The following FLG2 variants were observed in gnomAD, a reference collection of about 807,000 sequenced individuals.
The protein encoded by FLG2 is filaggrin 2.
In FLG2, 7 loss-of-function variants were observed where a neutral mutation model predicts 3.9. That is an observed-to-expected ratio of 1.79 (90% CI 1.02 to 3.36). The LOEUF (loss-of-function observed/expected upper bound fraction) is 3.36, where lower values mean the gene tolerates loss of function less well. FLG2 is among the 30% of genes most tolerant of loss of function. The pLI is 0.00. For synonymous variants in FLG2, 1,031 were observed against 1,056.1 expected, an observed-to-expected ratio of 0.98 and a Z score of 0.46; for missense variants, 2,700 against 2,809.4, an observed-to-expected ratio of 0.96 and a Z score of 0.88.
Position 152,351,976 on chromosome 1 carries a change from T to C in FLG2, c.5810A>G (p.His1937Arg). The change falls in exon 3 of 3, where the codon CAT (histidine) becomes CGT (arginine). Residue 1937 changes from histidine (H) to arginine (R), a missense_variant. Physicochemically the swap from His to Arg is conservative, Grantham distance 29. Transcript: ENST00000388718. Reference protein sequence around the residue: ...GDTTEHGHPSHGQTIQTGSRT... With the variant: ...GDTTEHGHPSRGQTIQTGSRT... ...GGACCCTGTCTGTATGGTTTGTCCA[T>C]GACTAGGGTGGCCATGTTCAGTGGT... 6.2e-7 allele frequency: 1 copy of C among 1,613,754 alleles called. No individual in the cohort carries two copies. Among genetic ancestry groups the C allele is most frequent in the Non-Finnish European group, 8.5e-7 (1 of 1,179,892 alleles).
chr1:152,355,228 C>T lies in FLG2; in HGVS notation c.2558G>A (p.Ser853Asn). Reference sequence around the variant, plus strand: ...ATGTTGACCATAGCCAGATGATTGACTTGAGCCAGAACCATGTTGGCCATA... The same window carrying T: ...ATGTTGACCATAGCCAGATGATTGATTTGAGCCAGAACCATGTTGGCCATA... The part of the protein sequence containing the change: ...SSYGQHGSGS[S>N]QSSGYGQHGS... The change falls in exon 3 of 3, where the codon AGT (serine) becomes AAT (asparagine). Residue 853 changes from serine (S) to asparagine (N), a missense_variant. Transcript: ENST00000388718. 6.2e-7 allele frequency: 1 copy of T among 1,612,066 alleles called. No individual in the cohort carries two copies. Among genetic ancestry groups the T allele is most frequent in the Non-Finnish European group, 8.5e-7 (1 of 1,179,430 alleles).
rs1654070333 is a variant in FLG2 at position 152,353,721 on chromosome 1, C to T, written c.4065G>A (p.Val1355=). The T allele has an allele frequency of 3.7e-6, 6 of 1,614,174 alleles. No homozygotes were observed. The highest frequency in any genetic ancestry group is 5.1e-6 in the Non-Finnish European group (6 of 1,180,028). Residue 1355 remains valine (V), a synonymous_variant, in exon 3 of 3, where the codon GTG becomes GTA. Coordinates refer to ENST00000388718, the MANE Select transcript of FLG2 (RefSeq NM_001014342.3). ...FSHSDATDSE[V]HSGVSHRPHS... ...GTGGTCTATGTGAGACCCCTGAGTG[C>T]ACTTCACTGTCAGTGGCATCACTGT...
rs529207810 is a variant in FLG2 at position 152,356,413 on chromosome 1, G to C, written c.1373C>G (p.Ser458Cys). The C allele has an allele frequency of 6.8e-6, 11 of 1,614,124 alleles. No homozygotes were observed. Among genetic ancestry groups the C allele is most frequent in the East Asian group, 2.2e-5 (1 of 44,876 alleles). The change falls in exon 3 of 3, where the codon TCT becomes TGT. Residue 458 changes from serine to cysteine, a missense_variant. Coordinates refer to ENST00000388718, the MANE Select transcript of FLG2 (RefSeq NM_001014342.3). Reference sequence around the variant, plus strand: ...ATAGCCCAAGGATTGACTTGATGTAGACTCATGCTGGCCACAAGTTTGACC... The same window carrying C: ...ATAGCCCAAGGATTGACTTGATGTACACTCATGCTGGCCACAAGTTTGACC... ...GSGQTCGQHE[S>C]TSSQSLGYDQ...
Position 152,354,318 on chromosome 1 carries a change from A to C in FLG2, c.3468T>G (p.His1156Gln), listed in dbSNP as rs1489361494. Residue 1156 changes from histidine to glutamine, a missense_variant, in exon 3 of 3, where the codon CAT becomes CAG. His to Gln is a conservative substitution (Grantham distance 24, BLOSUM62 0). Transcript: ENST00000388718. ...YRSGQSSYGQ[H>Q]GTGSSQSSGC... is the part of the protein sequence containing the mutation. Reference sequence around the variant, plus strand: ...CAGATGATTGACTGGAGCCAGTACCATGTTGGCCATAGCTAGACTGACCTG... The same window carrying C: ...CAGATGATTGACTGGAGCCAGTACCCTGTTGGCCATAGCTAGACTGACCTG... 6.2e-7 allele frequency: 1 copy of C among 1,614,106 alleles called. No homozygotes were observed. Among genetic ancestry groups the C allele is most frequent in the Non-Finnish European group, 8.5e-7 (1 of 1,180,032 alleles).
Position 152,355,320 on chromosome 1 carries a change from T to G in FLG2, c.2466A>C (p.Gln822His). The G allele has an allele frequency of 1.2e-6, 2 of 1,613,870 alleles. No homozygotes were observed. Among genetic ancestry groups the G allele is most frequent in the Non-Finnish European group, 1.7e-6 (2 of 1,179,866 alleles). ...SGSGQSAGFG[Q>H]HGSGSGQSSG... ...AGGATTGTCCTGAGCCAGACCCATG[T>G]TGTCCAAAGCCAGCGGACTGACCTG... is the stretch of plus-strand genomic sequence containing the variant. Residue 822 changes from glutamine (Q) to histidine (H), a missense_variant, in exon 3 of 3, where the codon CAA becomes CAC. Physicochemically the swap from Gln to His is conservative, Grantham distance 24. Coordinates refer to ENST00000388718, the MANE Select transcript of FLG2 (RefSeq NM_001014342.3).
chr1:152,359,664 A>G (rs1174734100), intron 1 of FLG2, among the ~76,000 whole-genome samples: 1 of 152,204 alleles, frequency 6.6e-6, no homozygotes, highest in Non-Finnish European at 1.5e-5. Flanking sequence ...ACAGCCCAGA[A>G]AAGAGGGCAT....
rs1389775961 is a variant in FLG2 at position 152,349,117 on chromosome 1, G to C, written c.*1493C>G. ...ATAGTTCTGAATATAGCCCCAAATG[G>C]TGTTTATCTTTTTCTTCCATTCACT... On this transcript the variant is annotated 3_prime_UTR_variant, in exon 3 of 3. Transcript: ENST00000388718. 1.3e-5 allele frequency: 2 copies of C among 151,718 alleles called. No homozygotes were observed. Among genetic ancestry groups the C allele is most frequent in the Admixed American group, 1.3e-4 (2 of 15,206 alleles). The allele number at this position is 151,718 out of a possible 1,614,324, so 9.4% of individuals were successfully genotyped here. A position where few individuals can be genotyped will look rare whatever the true frequency, so the allele number is the denominator to read the frequency against.
rs763092249 is a variant in FLG2, at chr1:152,355,072, C to A, written c.2714G>T (p.Gly905Val). 2.6e-6 allele frequency: 4 copies of A among 1,550,924 alleles called. 1 individual carries two copies. Among genetic ancestry groups the A allele is most frequent in the African/African-American group, 1.4e-5 (1 of 73,842 alleles). ...SGFGQHGTGS[G>V]QYSGFGQHES... ...ATGTTGTCCAAAACCAGAGTATTGT[C>A]CTGAGCCAGTCCCATGTTGTCCAAA... The change falls in exon 3 of 3, where the codon GGA (glycine) becomes GTA (valine). Residue 905 changes from glycine (G) to valine (V), a missense_variant. Gly to Val is a moderately radical substitution (Grantham distance 109). Coordinates refer to ENST00000388718, the MANE Select transcript of FLG2 (RefSeq NM_001014342.3).
In FLG2 at chr1:152,352,623, A is replaced by T; in HGVS notation, c.5163T>A (p.Thr1721=). 6.2e-7 allele frequency: 1 copy of T among 1,613,750 alleles called. No homozygotes were observed. The change falls in exon 3 of 3, where the codon ACT becomes ACA. Residue 1721 remains threonine, a synonymous_variant. Transcript: ENST00000388718. ...CACTGTGGCCAGATCCCCTTCTTCC[A>T]GTAGTCCTGGACCCTGTCTGTGTGG... ...GLTTQTGSRT[T]GRRGSGHSEY...
Position 152,355,192 on chromosome 1 carries a change from G to A in FLG2, c.2594C>T (p.Ser865Leu), listed in dbSNP as rs371756979. Residue 865 changes from serine (S) to leucine (L), a missense_variant, in exon 3 of 3, where the codon TCG (serine) becomes TTG (leucine). Physicochemically the swap from Ser to Leu is moderately radical, Grantham distance 145. Transcript: ENST00000388718. ...TTGTCCAAAGCCAGATGTCTGTCCCGAACTTGACCCATGTTGACCATAGCC... is the reference window on the plus strand; with the variant it reads ...TTGTCCAAAGCCAGATGTCTGTCCCAAACTTGACCCATGTTGACCATAGCC... The part of the protein sequence containing the change: ...SSGYGQHGSS[S>L]GQTSGFGQHR... The A allele has an allele frequency of 6.1e-5, 98 of 1,599,732 alleles. 12 individuals carry two copies. The highest frequency in any genetic ancestry group is 4.6e-4 in the South Asian group (41 of 89,396).
rs1653869132 is a variant in FLG2 at position 152,350,631 on chromosome 1, G to C, written c.7155C>G (p.Asn2385Lys). 1.2e-6 allele frequency: 2 copies of C among 1,613,736 alleles called. No homozygotes were observed. Among genetic ancestry groups the C allele is most frequent in the African/African-American group, 2.7e-5 (2 of 74,916 alleles). The change falls in exon 3 of 3, where the codon AAC becomes AAG. Residue 2385 changes from asparagine to lysine, a missense_variant. Physicochemically the swap from Asn to Lys is moderately conservative, Grantham distance 94. Coordinates refer to ENST00000388718, the MANE Select transcript of FLG2 (RefSeq NM_001014342.3). ...HLSWSTDSTA[N>K]KQLSRH Reference sequence around the variant, plus strand: ...ACTGTCAATGTCTAGACAGTTGCTTGTTTGCAGTGCTGTCTGTTGACCATG... The same window carrying C: ...ACTGTCAATGTCTAGACAGTTGCTTCTTTGCAGTGCTGTCTGTTGACCATG...
chr1:152,356,951 C>T lies in FLG2; in HGVS notation c.835G>A (p.Ala279Thr), dbSNP rs1198791803. Reference protein sequence around the residue: ...GSGDSGRRSHACGYSNSSGCG... With the variant: ...GSGDSGRRSHTCGYSNSSGCG... ...CCACTTGAATTGCTATAACCACATGCATGACTTCGCCTCCCACTGTCTCCT... is the reference window on the plus strand; with the variant it reads ...CCACTTGAATTGCTATAACCACATGTATGACTTCGCCTCCCACTGTCTCCT... The change falls in exon 3 of 3, where the codon GCA becomes ACA. Residue 279 changes from alanine (A) to threonine (T), a missense_variant. Transcript: ENST00000388718. 3 of 1,614,110 alleles carry T rather than the reference C, an allele frequency of 1.9e-6. No homozygotes were observed. Among genetic ancestry groups the T allele is most frequent in the African/African-American group, 2.7e-5 (2 of 74,952 alleles).
chr1:152,350,838 T>G lies in FLG2; in HGVS notation c.6948A>C (p.Thr2316=). The G allele has an allele frequency of 6.2e-7, 1 of 1,614,204 alleles. No individual in the cohort carries two copies. The highest frequency in any genetic ancestry group is 8.5e-7 in the Non-Finnish European group (1 of 1,180,036). ...RHGHSGYGQS[T]QTGSRSSRAS... ...CTCTACTAGATCTGGAACCTGTCTG[T>G]GTGGATTGTCCATAACCAGAATGGC... The change falls in exon 3 of 3, where the codon ACA becomes ACC. Residue 2316 remains threonine, a synonymous_variant. Coordinates refer to ENST00000388718, the MANE Select transcript of FLG2 (RefSeq NM_001014342.3).
At position 152,356,510 on chromosome 1, in the gene FLG2, A is replaced by G. The variant is rs1248894945; in HGVS notation, c.1276T>C (p.Ser426Pro). 3 of 1,614,264 alleles carry G rather than the reference A, an allele frequency of 1.9e-6. No individual in the cohort carries two copies. The highest frequency in any genetic ancestry group is 3.3e-5 in the Admixed American group (2 of 60,032). Residue 426 changes from serine (S) to proline (P), a missense_variant, in exon 3 of 3, where the codon TCT becomes CCT. Ser to Pro is a moderately conservative substitution (Grantham distance 74, BLOSUM62 -1). Transcript: ENST00000388718. Reference sequence around the variant, plus strand: ...GTTCCATGTTGTTCAAAGCTAGTAGACTGACTTGAACCAGACCCATATTGA... The same window carrying G: ...GTTCCATGTTGTTCAAAGCTAGTAGGCTGACTTGAACCAGACCCATATTGA... ...CDQYGSGSSQ[S>P]TSFEQHGTGL...
In FLG2 at chr1:152,357,172, C is replaced by G; in HGVS notation, c.614G>C (p.Arg205Thr). The G allele has an allele frequency of 6.2e-7, 1 of 1,614,188 alleles. No individual in the cohort carries two copies. Reference protein sequence around the residue: ...DRHGSSSVELRERINKSHISP... With the variant: ...DRHGSSSVELTERINKSHISP... ...AATGTGTGACTTGTTTATTCTTTCTCTCAGTTCTACAGAGCTGGAACCATG... is the reference window on the plus strand; with the variant it reads ...AATGTGTGACTTGTTTATTCTTTCTGTCAGTTCTACAGAGCTGGAACCATG... Residue 205 changes from arginine (R) to threonine (T), a missense_variant, in exon 3 of 3, where the codon AGA (arginine) becomes ACA (threonine). Arg to Thr is a moderately conservative substitution (Grantham distance 71). Coordinates refer to ENST00000388718, the MANE Select transcript of FLG2 (RefSeq NM_001014342.3).
Position 152,357,473 on chromosome 1 carries a change from C to G in FLG2, c.313G>C (p.Gly105Arg), listed in dbSNP as rs1306114117. 6.2e-7 allele frequency: 1 copy of G among 1,614,078 alleles called. No homozygotes were observed. Among genetic ancestry groups the G allele is most frequent in the South Asian group, 1.1e-5 (1 of 91,062 alleles). ...CTTTCTTCTTCTTGGTGTCGGTGAC[C>G]ACGCCTATGCTTCTTTGACCCTGAA... ...KASGSKKHRR[G>R]HRHQEEESET... The change falls in exon 3 of 3, where the codon GGT becomes CGT. Residue 105 changes from glycine to arginine, a missense_variant. Physicochemically the swap from Gly to Arg is moderately radical, Grantham distance 125 (BLOSUM62 -2). Coordinates refer to ENST00000388718, the MANE Select transcript of FLG2 (RefSeq NM_001014342.3).
chr1:152,353,922 ATGTC>A lies in FLG2; in HGVS notation c.3860_3863del (p.Arg1287IlefsTer248), dbSNP rs2101678104. ...CAGCTTGTGTGTGAATGTGTTCTGA[ATGTC>A]TGTGTGAGACCTTTGAGTGCACTTC... On this transcript the variant is annotated frameshift_variant, in exon 3 of 3. Transcript: ENST00000388718. LOFTEE classifies it low-confidence loss of function (END_TRUNC). 7 of 1,612,356 alleles carry A rather than the reference ATGTC, an allele frequency of 4.3e-6. No individual in the cohort carries two copies. The highest frequency in any genetic ancestry group is 1.7e-4 in the Middle Eastern group (1 of 6,050).
rs766465887 is a variant in FLG2, at chr1:152,356,393, C to T, written c.1393G>A (p.Gly465Ser). The T allele has an allele frequency of 1.2e-6, 2 of 1,614,046 alleles. No individual in the cohort carries two copies. The highest frequency in any genetic ancestry group is 1.7e-6 in the Non-Finnish European group (2 of 1,180,006). ...QHESTSSQSL[G>S]YDQHGSSSGK... ...GAGCTAGACCCATGCTGGTCATAGCCCAAGGATTGACTTGATGTAGACTCA... is the reference window on the plus strand; with the variant it reads ...GAGCTAGACCCATGCTGGTCATAGCTCAAGGATTGACTTGATGTAGACTCA... Residue 465 changes from glycine to serine, a missense_variant, in exon 3 of 3, where the codon GGC (glycine) becomes AGC (serine). By Grantham distance (56) the Gly-to-Ser change is moderately conservative. Transcript: ENST00000388718.
rs776147142 is a variant in FLG2 at position 152,356,456 on chromosome 1, G to T, written c.1330C>A (p.Gln444Lys). 2 of 1,614,256 alleles carry T rather than the reference G, an allele frequency of 1.2e-6. No individual in the cohort carries two copies. The highest frequency in any genetic ancestry group is 2.2e-5 in the East Asian group (1 of 44,890). ...GTTTGACCTGAGCCACATACATGTT[G>T]TTCGAACCCAGAGGACTGACTCAAG... Reference protein sequence around the residue: ...TGLSQSSGFEQHVCGSGQTCG... With the variant: ...TGLSQSSGFEKHVCGSGQTCG... Residue 444 changes from glutamine to lysine, a missense_variant, in exon 3 of 3, where the codon CAA becomes AAA. Physicochemically the swap from Gln to Lys is moderately conservative, Grantham distance 53 (BLOSUM62 1). Transcript: ENST00000388718.
Sources: gnomAD v4.1 joint callset for allele counts (sites outside exome capture counted in the v4.1 genomes callset) on GRCh38, gnomAD v4.1.1 for gene constraint, MANE v1.5 for transcripts, NCBI Gene and HGNC (gene_info 2026-07-23, HGNC 2026-07-21) for gene names.